Variants in SLC30A9 observed in about 807,000 individuals in gnomAD.
SLC30A9 encodes the protein proton-coupled zinc antiporter SLC30A9, mitochondrial.
SLC30A9 carries 58 observed loss-of-function variants against 87.5 expected under a neutral mutation model. That is an observed-to-expected ratio of 0.66 (90% confidence interval 0.54 to 0.82). The LOEUF (loss-of-function observed/expected upper bound fraction) is 0.82, where lower values mean the gene tolerates loss of function less well. Among genes scored for constraint, SLC30A9 ranks in the 40% least tolerant of loss-of-function variants. The probability of loss-of-function intolerance (pLI) is 0.00; values close to 1 mark genes in which losing one functional copy is unlikely to be tolerated. For synonymous variants in SLC30A9, 234 were observed against 233.0 expected, an observed-to-expected ratio of 1.00 and a Z score of -0.04; for missense variants, 557 against 679.1, an observed-to-expected ratio of 0.82 and a Z score of 2.00.
intron 15 of SLC30A9, among the ~76,000 whole-genome samples, chr4:42,072,856 C>T (rs547186218): frequency 6.8e-6 from 1 of 147,686 alleles, no homozygotes; most frequent in South Asian, 2.1e-4. Context: ...TCTTGTTGCC[C>T]AGGCTGGAGT....
intron 2 of SLC30A9, among the ~76,000 whole-genome samples, chr4:42,017,174 A>G (rs1454115211): frequency 6.6e-6 from 1 of 152,156 alleles, no homozygotes; most frequent in Non-Finnish European, 1.5e-5. Flanking sequence ...TTTGGATTCT[A>G]TTAATAATGG....
In SLC30A9 at chr4:42,089,652, G is replaced by A. The variant is rs1171555148; in HGVS notation, c.*3526G>A. ...GGCTGGTCTTGAACTGCCGACCTCAGGTGATCCGCCCTCCTCGGCTTCCCA... is the reference window on the plus strand; with the variant it reads ...GGCTGGTCTTGAACTGCCGACCTCAAGTGATCCGCCCTCCTCGGCTTCCCA... On this transcript the variant is annotated 3_prime_UTR_variant, in exon 18 of 18. Transcript: ENST00000264451. The A allele has an allele frequency of 6.6e-6, 1 of 152,262 alleles. No homozygotes were observed. Among genetic ancestry groups the A allele is most frequent in the South Asian group, 2.1e-4 (1 of 4,830 alleles). 9.4% of individuals were successfully genotyped at this position (152,262 alleles called of 1,614,324 possible).
intron 8 of SLC30A9, among the ~76,000 whole-genome samples, chr4:42,043,487 T>C (rs1446737853): frequency 1.3e-5 from 2 of 151,996 alleles, no homozygotes; most frequent in Non-Finnish European, 2.9e-5. Flanking sequence ...GAAGATCAAC[T>C]TAATGAAATA....
At position 42,087,681 on chromosome 4, in the gene SLC30A9, A is replaced by C. The variant is rs892165456; in HGVS notation, c.*1555A>C. On this transcript the variant is annotated 3_prime_UTR_variant, in exon 18 of 18. Transcript: ENST00000264451. The stretch of plus-strand genomic sequence containing the variant: ...ATTCCAGTTTTATTTTTAAGATAGA[A>C]AATTGTTATATATATATATAATTTG... 1 of 151,210 alleles carries C rather than the reference A, an allele frequency of 6.6e-6. No homozygotes were observed. The highest frequency in any genetic ancestry group is 2.4e-5 in the African/African-American group (1 of 41,140). The allele number at this position is 151,210 out of a possible 1,614,324, so 9.4% of individuals were successfully genotyped here. A position where few individuals can be genotyped will look rare whatever the true frequency, so the allele number is the denominator to read the frequency against.
intron 15 of SLC30A9, among the ~76,000 whole-genome samples, chr4:42,073,456 A>G (rs1270174959): frequency 1.3e-5 from 2 of 152,202 alleles, no homozygotes; most frequent in South Asian, 2.1e-4. Context: ...TAAACAGTAT[A>G]TTAGTTACCT....
At chr4:42,068,712 A>G (rs772408210) in intron 14 of SLC30A9, among the ~76,000 whole-genome samples, 4 of 152,224 alleles carry the variant, frequency 2.6e-5, no homozygotes, top group Non-Finnish European at 4.4e-5. Flanking sequence ...TAATGCCAAT[A>G]ATAACTACTG....
intron 10 of SLC30A9, 111 bp from the exon 11 acceptor site, chr4:42,062,875 A>AT: frequency 1.1e-6 from 1 of 909,766 alleles, no homozygotes; most frequent in African/African-American, 1.7e-5. Context: ...CTTAAATATA[A>AT]AATTATAACA....
intron 17 of SLC30A9, among the ~76,000 whole-genome samples, chr4:42,081,015 A>G (rs1718724679): frequency 6.6e-6 from 1 of 152,212 alleles, no homozygotes; most frequent in Non-Finnish European, 1.5e-5. Context: ...GCATTTTATC[A>G]TTAGCAACAA....
At position 42,062,970 on chromosome 4, in the gene SLC30A9, C is replaced by A; in HGVS notation, c.897-16C>A. On this transcript the variant is annotated splice_polypyrimidine_tract_variant and intron_variant, in intron 10 of 17. Coordinates refer to ENST00000264451, the MANE Select transcript of SLC30A9 (RefSeq NM_006345.4). ...ATTTGTATTTCTTGCGAACTATATT[C>A]TTTTCTATTTTTCAGGTACGGATTT... The A allele has an allele frequency of 1.9e-6, 3 of 1,605,824 alleles. No homozygotes were observed. Among genetic ancestry groups the A allele is most frequent in the South Asian group, 2.2e-5 (2 of 90,264 alleles).
At chr4:42,079,466 G>A (rs193262850) in intron 17 of SLC30A9, among the ~76,000 whole-genome samples, 1 of 151,882 alleles carries the variant, frequency 6.6e-6, no homozygotes, top group African/African-American at 2.4e-5. Context: ...GCTAATTTTT[G>A]TATTTTTAGC....
intron 9 of SLC30A9, among the ~76,000 whole-genome samples, chr4:42,054,999 G>A (rs1387952585): frequency 6.6e-6 from 1 of 152,112 alleles, no homozygotes; most frequent in South Asian, 2.1e-4. Context: ...AATTGTTAAA[G>A]CTTAATGATG....
chr4:42,090,185 G>A lies in SLC30A9; in HGVS notation c.*4059G>A, dbSNP rs373557502. The stretch of plus-strand genomic sequence containing the variant: ...TCAGAAGTCAGTGAAGCAAAGAATC[G>A]AAGGTAAAATGTTGATTCAAAGATT... On this transcript the variant is annotated 3_prime_UTR_variant, in exon 18 of 18. Coordinates refer to ENST00000264451, the MANE Select transcript of SLC30A9 (RefSeq NM_006345.4). 1 of 152,274 alleles carries A rather than the reference G, an allele frequency of 6.6e-6. No homozygotes were observed. The highest frequency in any genetic ancestry group is 2.4e-5 in the African/African-American group (1 of 41,560). The allele number at this position is 152,274 out of a possible 1,614,324, so 9.4% of individuals were successfully genotyped here. A position where few individuals can be genotyped will look rare whatever the true frequency, so the allele number is the denominator to read the frequency against.
chr4:42,023,784 A>G (rs1254941611), intron 6 of SLC30A9, among the ~76,000 whole-genome samples: 1 of 152,194 alleles, frequency 6.6e-6, no homozygotes, highest in Non-Finnish European at 1.5e-5. Flanking sequence ...TAACTGACTC[A>G]CAGTTCCGCA....
intron 1 of SLC30A9, among the ~76,000 whole-genome samples, chr4:41,992,328 G>C (rs1266896762): frequency 1.7e-4 from 26 of 150,398 alleles, no homozygotes; most frequent in Non-Finnish European, 1.0e-4. Flanking sequence ...GTGACAGAGT[G>C]AGACCTGTCT....
chr4:42,008,572 TG>T (rs1185565417), intron 2 of SLC30A9, among the ~76,000 whole-genome samples: 2 of 151,926 alleles, frequency 1.3e-5, no homozygotes, highest in Non-Finnish European at 1.5e-5. Flanking sequence ...GCAGGGACAG[TG>T]TTTAGAGTGA....
intron 6 of SLC30A9, among the ~76,000 whole-genome samples, chr4:42,031,316 A>T (rs1044526954): frequency 1.3e-5 from 2 of 152,196 alleles, no homozygotes; most frequent in African/African-American, 4.8e-5. Flanking sequence ...TCCAAGCCCA[A>T]CCTATAGTTC....
At position 42,065,179 on chromosome 4, in the gene SLC30A9, C is replaced by T. The variant is rs1008740421; in HGVS notation, c.1033-131C>T. 29 of 634,312 alleles carry T rather than the reference C, an allele frequency of 4.6e-5. No homozygotes were observed. In the African/African-American group the frequency reaches 5.4e-4, roughly 12 times the overall value. The allele number at this position is 634,312 out of a possible 1,614,324, so 39.3% of individuals were successfully genotyped here. A position where few individuals can be genotyped will look rare whatever the true frequency, so the allele number is the denominator to read the frequency against. On this transcript the variant is annotated intron_variant, in intron 11 of 17. Coordinates refer to ENST00000264451, the MANE Select transcript of SLC30A9 (RefSeq NM_006345.4). ...ATTGTCCTCCTCATTTGAGTTGTTT[C>T]CCATTAGTAACCTTACTGTCTGGCT... is the stretch of plus-strand genomic sequence containing the variant.
At position 42,013,983 on chromosome 4, in the gene SLC30A9, A is replaced by G. The variant is rs184973827; in HGVS notation, c.275-4128A>G. On this transcript the variant is annotated intron_variant, in intron 2 of 17. Coordinates refer to ENST00000264451, the MANE Select transcript of SLC30A9 (RefSeq NM_006345.4). Reference sequence around the variant, plus strand: ...CCATAAAATGGGAGAAAGTATTTGCAAACTATTGATCTCACCAGAATATAT... The same window carrying G: ...CCATAAAATGGGAGAAAGTATTTGCGAACTATTGATCTCACCAGAATATAT... Among the ~76,000 whole-genome samples, 3 of 152,364 alleles carry G rather than the reference A, an allele frequency of 2.0e-5. No homozygotes were observed. The East Asian group carries it at 5.8e-4, about 29-fold the overall frequency.
At chr4:42,065,641 A>G (rs936828454) in intron 12 of SLC30A9, among the ~76,000 whole-genome samples, 2 of 152,218 alleles carry the variant, frequency 1.3e-5, no homozygotes, top group African/African-American at 2.4e-5. Flanking sequence ...GTAGGTGACT[A>G]TCAGATAGAT....
Sources: gnomAD v4.1 joint callset for allele counts (sites outside exome capture counted in the v4.1 genomes callset) on GRCh38, gnomAD v4.1.1 for gene constraint, MANE v1.5 for transcripts, NCBI Gene and HGNC (gene_info 2026-07-23, HGNC 2026-07-21) for gene names.